The following TENM4 variants were observed in gnomAD, a reference collection of about 807,000 sequenced individuals.
TENM4 encodes the protein teneurin-4.
TENM4 carries 82 observed loss-of-function variants against 243.3 expected under a neutral mutation model. That is an observed-to-expected ratio of 0.34 (90% CI 0.28 to 0.40). The LOEUF (loss-of-function observed/expected upper bound fraction) is 0.40. TENM4 is among the 10% of genes least tolerant of loss of function. The pLI, the probability that TENM4 is intolerant of heterozygous loss-of-function variation, is 1.00. For synonymous variants in TENM4, 1,412 were observed against 1,456.3 expected, an observed-to-expected ratio of 0.97 and a Z score of 0.69; for missense variants, 3,138 against 3,673.3, an observed-to-expected ratio of 0.85 and a Z score of 3.77.
chr11:78,939,127 C>G (rs1274530683), intron 6 of TENM4, among the ~76,000 whole-genome samples: 1 of 152,192 alleles, frequency 6.6e-6, no homozygotes, highest in Non-Finnish European at 1.5e-5. Flanking sequence ...ATTTCTGTGG[C>G]CTCCCGTTGT....
chr11:79,367,018 C>CT (rs1426398566), intron 1 of TENM4, among the ~76,000 whole-genome samples: 3 of 152,176 alleles, frequency 2.0e-5, no homozygotes, highest in Admixed American at 6.5e-5. Context: ...ATTTACATAT[C>CT]TTGGGCAAAA....
intron 17 of TENM4, 37 bp from the exon 18 acceptor site, chr11:78,771,175 C>A (rs776240202): frequency 6.4e-7 from 1 of 1,552,634 alleles, no homozygotes; most frequent in East Asian, 2.4e-5. Context: ...TCTGATCACC[C>A]AGAGTCAACT....
intron 9 of TENM4, among the ~76,000 whole-genome samples, chr11:78,865,646 G>T (rs1033939617): frequency 6.6e-6 from 1 of 152,164 alleles, no homozygotes; most frequent in Non-Finnish European, 1.5e-5. Flanking sequence ...GAGGAGACTG[G>T]AGCACAGCAT....
chr11:78,857,655 T>C lies in TENM4; in HGVS notation c.1256-1477A>G, dbSNP rs188571521. ...GCACTATCAATAAAAGTACCACTAGTATTCTGTCATTAGCATGGGAAAGAG... is the reference window on the plus strand; with the variant it reads ...GCACTATCAATAAAAGTACCACTAGCATTCTGTCATTAGCATGGGAAAGAG... On this transcript the variant is annotated intron_variant, in intron 10 of 33. Transcript: ENST00000278550. Among the ~76,000 whole-genome samples the C allele has an allele frequency of 3.2e-3, 489 of 152,356 alleles. 3 individuals are homozygous for C. Among genetic ancestry groups the C allele is most frequent in the African/African-American group, 0.011 (460 of 41,590 alleles).
chr11:79,200,192 G>T (rs1400000409), intron 3 of TENM4, among the ~76,000 whole-genome samples: 3 of 152,184 alleles, frequency 2.0e-5, no homozygotes, highest in Admixed American at 1.3e-4. Flanking sequence ...GCCAACGCAG[G>T]CCTCTTTCAA....
At chr11:79,236,948 G>C (rs74467121) in intron 2 of TENM4, among the ~76,000 whole-genome samples, 2 of 152,148 alleles carry the variant, frequency 1.3e-5, no homozygotes, top group Non-Finnish European at 2.9e-5. Flanking sequence ...CCCAAGGAGT[G>C]AGACAAAGGG....
intron 1 of TENM4, among the ~76,000 whole-genome samples, chr11:79,330,180 G>T (rs563405924): frequency 1.3e-5 from 2 of 152,182 alleles, no homozygotes; most frequent in Non-Finnish European, 2.9e-5. Flanking sequence ...GGGAAGAATG[G>T]TATACAAGCA....
At chr11:79,217,367 A>G (rs1005008262) in intron 2 of TENM4, among the ~76,000 whole-genome samples, 55 of 152,202 alleles carry the variant, frequency 3.6e-4, no homozygotes, top group African/African-American at 1.3e-3. Context: ...GAGACCTACT[A>G]GGCTAAAGAA....
Position 78,814,391 on chromosome 11 carries a change from C to T in TENM4, c.1686G>A (p.Ser562=), listed in dbSNP as rs759320611. 83 of 1,548,876 alleles carry T rather than the reference C, an allele frequency of 5.4e-5. No individual in the cohort carries two copies. Among genetic ancestry groups the T allele is most frequent in the Non-Finnish European group, 6.8e-5 (78 of 1,145,938 alleles). The change falls in exon 13 of 34, where the codon TCG becomes TCA. Residue 562 remains serine (S), a synonymous_variant. Transcript: ENST00000278550. Reference sequence around the variant, plus strand: ...AGCAGTTGCTGGGGCAGTTATCCACCGACTCTGGGGAGAGAAAGGAGAAGG... The same window carrying T: ...AGCAGTTGCTGGGGCAGTTATCCACTGACTCTGGGGAGAGAAAGGAGAAGG... ...VVSFLTTAIE[S]VDNCPSNCYG... is the part of the protein sequence containing the mutation.
At chr11:79,075,218 T>C (rs10751302) in intron 4 of TENM4, among the ~76,000 whole-genome samples, 141,171 of 152,300 alleles carry the variant, frequency 0.93, 65,714 homozygotes, top group Middle Eastern at 0.98. Context: ...TCCCATTTTA[T>C]TGATGAAGAG....
rs996757285 is a variant in TENM4, at chr11:79,045,080, C to A, written c.493+19658G>T. On this transcript the variant is annotated intron_variant, in intron 6 of 33. Coordinates refer to ENST00000278550, the MANE Select transcript of TENM4 (RefSeq NM_001098816.3). ...TCACTCCCCAGAGAAACCCCCATAC[C>A]CATTAAGCAGTTATTCTCTTTCCAC... is the stretch of plus-strand genomic sequence containing the variant. Among the ~76,000 whole-genome samples the A allele has an allele frequency of 2.0e-5, 3 of 152,152 alleles. No homozygotes were observed. In the South Asian group the frequency reaches 6.2e-4, roughly 32 times the overall value.
intron 10 of TENM4, among the ~76,000 whole-genome samples, chr11:78,862,591 C>T (rs955130232): frequency 1.3e-5 from 2 of 152,136 alleles, no homozygotes; most frequent in African/African-American, 2.4e-5. Context: ...CTACCTGCCT[C>T]CCCATACCCC....
intron 4 of TENM4, among the ~76,000 whole-genome samples, chr11:79,129,705 C>T (rs1300704739): frequency 6.6e-6 from 1 of 152,148 alleles, no homozygotes; most frequent in Admixed American, 6.5e-5. Context: ...ATCTCACCCC[C>T]ATCCCCTACA....
chr11:78,980,598 C>G (rs1857770184), intron 6 of TENM4, among the ~76,000 whole-genome samples: 1 of 152,238 alleles, frequency 6.6e-6, no homozygotes, highest in African/African-American at 2.4e-5. Context: ...ACAATAGTAA[C>G]AGTAGCGAAG....
At chr11:79,213,353 G>C (rs573029547) in intron 3 of TENM4, among the ~76,000 whole-genome samples, 1 of 152,306 alleles carries the variant, frequency 6.6e-6, no homozygotes, top group South Asian at 2.1e-4. Context: ...GGCCAACAAA[G>C]TAGGTCCCTG....
At chr11:78,912,429 AT>A (rs1462782856) in intron 6 of TENM4, among the ~76,000 whole-genome samples, 1 of 152,034 alleles carries the variant, frequency 6.6e-6, no homozygotes, top group African/African-American at 2.4e-5. Context: ...TAATTTTTAA[AT>A]TTTTTTAGTA....
In TENM4 at chr11:78,708,480, C is replaced by T. The variant is rs370492629; in HGVS notation, c.4090G>A (p.Val1364Met). 5.0e-6 allele frequency: 8 copies of T among 1,613,990 alleles called. No homozygotes were observed. The highest frequency in any genetic ancestry group is 2.7e-5 in the African/African-American group (2 of 75,060). ...ATGCGTCTGATCATGGTGCCATCCA[C>T]GAAGTAGATCAGCCCAAACTTGTCC... The part of the protein sequence containing the change: ...TVDKFGLIYF[V>M]DGTMIRRIDQ... Residue 1364 changes from valine (V) to methionine (M), a missense_variant, in exon 27 of 34, where the codon GTG (valine) becomes ATG (methionine). By Grantham distance (21) the Val-to-Met change is conservative. This residue lies in a region of TENM4 where 2,467 missense variants were observed against 3,059.1 expected (regional missense o/e 0.81). Transcript: ENST00000278550.
At chr11:79,160,255 G>A (rs114026119) in intron 3 of TENM4, among the ~76,000 whole-genome samples, 1 of 152,124 alleles carries the variant, frequency 6.6e-6, no homozygotes, top group Non-Finnish European at 1.5e-5. Flanking sequence ...GTGTGCAGGG[G>A]ATATGCTTTC....
intron 2 of TENM4, among the ~76,000 whole-genome samples, chr11:79,279,209 T>C (rs1314135381): frequency 1.3e-5 from 2 of 152,116 alleles, no homozygotes; most frequent in African/African-American, 4.8e-5. Context: ...CTCCCTAAAG[T>C]GTCAATATGT....
Sources: allele counts gnomAD v4.1 joint callset (sites outside exome capture counted in the v4.1 genomes callset), GRCh38; gene constraint gnomAD v4.1.1; regional missense constraint gnomAD v4.1.1; transcripts MANE v1.5; gene names NCBI Gene and HGNC (gene_info 2026-07-23, HGNC 2026-07-21).